DCPS: variants seen among roughly 807,000 people sequenced by gnomAD.
The protein encoded by DCPS is m7GpppX diphosphatase.
In DCPS, 27 loss-of-function variants were observed where a neutral mutation model predicts 34.7. The ratio of observed to expected loss-of-function variants is 0.78; its 90% CI spans 0.57 to 1.07. DCPS has a LOEUF of 1.07. Ranked by LOEUF, DCPS falls within the 50% of genes least tolerant of loss-of-function variation. The pLI is 0.00. For synonymous variants in DCPS, 185 were observed against 185.7 expected (o/e 1.00, Z 0.03); for missense variants, 464 against 436.9 (o/e 1.06, Z -0.55).
At chr11:126,316,646 A>AT (rs35658526) in intron 2 of DCPS, among the ~76,000 whole-genome samples, 99,641 of 146,178 alleles carry the variant, frequency 0.68, 34,175 homozygotes, top group East Asian at 0.95. Flanking sequence ...GCTGAAGTAC[A>AT]TTTTTTTTTT....
intron 2 of DCPS, among the ~76,000 whole-genome samples, chr11:126,317,802 G>C (rs1196992751): frequency 3.3e-5 from 5 of 152,212 alleles, no homozygotes; most frequent in Non-Finnish European, 2.9e-5. Flanking sequence ...GGGGCTCGCG[G>C]CTCTAAGGCC....
rs1415012905 is a variant in DCPS, at chr11:126,332,508, T to G, written c.522+958T>G. Among the ~76,000 whole-genome samples the G allele has an allele frequency of 6.6e-6, 1 of 152,220 alleles. No homozygotes were observed. Among genetic ancestry groups the G allele is most frequent in the Non-Finnish European group, 1.5e-5 (1 of 68,032 alleles). On this transcript the variant is annotated intron_variant, in intron 3 of 5. Transcript: ENST00000263579. The surrounding 1 kb of genome is among the most constrained non-coding windows in gnomAD (Gnocchi z 5.4). ...TTTCTCCCCAAGATTCAGGTCACTG[T>G]GGTGGAGGGTGTTGTGATGTGAGGA...
At chr11:126,306,845 C>G (rs891585581) in intron 2 of DCPS, 101 bp downstream of exon 2, 24 of 1,353,242 alleles carry the variant, frequency 1.8e-5, no homozygotes, top group Non-Finnish European at 2.2e-5. Flanking sequence ...TTTGCATATT[C>G]TAGTACAATA....
intron 4 of DCPS, chr11:126,341,329 G>T (rs1951874496): frequency 6.6e-6 from 1 of 152,244 alleles, no homozygotes; most frequent in African/African-American, 2.4e-5. Context: ...ACCTTCTGGG[G>T]CGCCAGCCTG....
chr11:126,321,080 C>T (rs1266574189), intron 2 of DCPS, among the ~76,000 whole-genome samples: 2 of 151,866 alleles, frequency 1.3e-5, no homozygotes, highest in Non-Finnish European at 2.9e-5. Context: ...CATGGGGAAA[C>T]CCTGTCTCTA....
In DCPS at chr11:126,335,858, GA is replaced by G. The variant is rs911276046; in HGVS notation, c.523-2427del. On this transcript the variant is annotated intron_variant, in intron 3 of 5. Coordinates refer to ENST00000263579, the MANE Select transcript of DCPS (RefSeq NM_014026.6). This position sits in a 1 kb window ranked among gnomAD's most constrained non-coding sequence, Gnocchi z 4.8. ...GAGAATCACTTGAACCTGGGAGGTG[GA>G]GGTTGCAGTGAGCTGAGATCACGCC... Among the ~76,000 whole-genome samples the G allele has an allele frequency of 6.6e-6, 1 of 152,156 alleles. No individual in the cohort carries two copies. Among genetic ancestry groups the G allele is most frequent in the Non-Finnish European group, 1.5e-5 (1 of 68,022 alleles).
At position 126,306,415 on chromosome 11, in the gene DCPS, G is replaced by A. The variant is rs372864829; in HGVS notation, c.202-155G>A. Among the ~76,000 whole-genome samples, 4 of 152,136 alleles carry A rather than the reference G, an allele frequency of 2.6e-5. No homozygotes were observed. In the East Asian group the frequency reaches 7.7e-4, roughly 29 times the overall value. On this transcript the variant is annotated intron_variant, in intron 1 of 5. Coordinates refer to ENST00000263579, the MANE Select transcript of DCPS (RefSeq NM_014026.6). ...TTCTCTGAGAAAAGAAATGTGAAAT[G>A]TGAGTGCCATTGGCTAGACTTCCCC... is the stretch of plus-strand genomic sequence containing the variant.
At position 126,320,832 on chromosome 11, in the gene DCPS, A is replaced by G. The variant is rs917848132; in HGVS notation, c.377-10573A>G. Among the ~76,000 whole-genome samples the G allele has an allele frequency of 2.0e-5, 3 of 152,182 alleles. No homozygotes were observed. Among genetic ancestry groups the G allele is most frequent in the African/African-American group, 7.2e-5 (3 of 41,444 alleles). On this transcript the variant is annotated intron_variant, in intron 2 of 5. Transcript: ENST00000263579. The surrounding 1 kb of genome is among the most constrained non-coding windows in gnomAD (Gnocchi z 4.7). Reference sequence around the variant, plus strand: ...ATTTCCAAACCTAGGATACGTAGGGAGGAGCAGTAACTGGATCTGAGAGAT... The same window carrying G: ...ATTTCCAAACCTAGGATACGTAGGGGGGAGCAGTAACTGGATCTGAGAGAT...
At position 126,331,569 on chromosome 11, in the gene DCPS, C is replaced by G. The variant is rs1951794114; in HGVS notation, c.522+19C>G. The G allele has an allele frequency of 6.2e-7, 1 of 1,612,646 alleles. No homozygotes were observed. The highest frequency in any genetic ancestry group is 1.3e-5 in the African/African-American group (1 of 74,906). ...CATCCAGGTGACTGGCTGCATGTCT[C>G]AGACGCAGAGCACTGCTCCCGTGGC... On this transcript the variant is annotated intron_variant, in intron 3 of 5. Transcript: ENST00000263579. The surrounding 1 kb of genome is among the most constrained non-coding windows in gnomAD (Gnocchi z 7.2).
In DCPS at chr11:126,324,462, GT is replaced by G. The variant is rs947426870; in HGVS notation, c.377-6932del. 1.8e-3 allele frequency among the ~76,000 whole-genome samples: 263 copies of G among 145,300 alleles called. 2 individuals are homozygous for G. The highest frequency in any genetic ancestry group is 2.9e-3 in the Non-Finnish European group (192 of 65,786). On this transcript the variant is annotated intron_variant, in intron 2 of 5. Coordinates refer to ENST00000263579, the MANE Select transcript of DCPS (RefSeq NM_014026.6). ...GACACATTGTTCATGTGCCTGTTGA[GT>G]TTTTTTTTTTAGACAGGGTCTCACT... is the stretch of plus-strand genomic sequence containing the variant.
rs560010620 is a variant in DCPS at position 126,325,057 on chromosome 11, C to A, written c.377-6348C>A. On this transcript the variant is annotated intron_variant, in intron 2 of 5. Transcript: ENST00000263579. The surrounding 1 kb of genome is among the most constrained non-coding windows in gnomAD (Gnocchi z 4.3). ...AATTAGCGGGGCATGGTGGTGGGCA[C>A]CTGTAATCCCAGCTACTCACTCGGG... 2.0e-5 allele frequency among the ~76,000 whole-genome samples: 3 copies of A among 152,128 alleles called. No homozygotes were observed. The South Asian group carries it at 6.2e-4, about 32-fold the overall frequency.
Position 126,346,236 on chromosome 11 carries a change from C to T in DCPS, c.*623C>T, listed in dbSNP as rs879583082. On this transcript the variant is annotated 3_prime_UTR_variant, in exon 6 of 6. Coordinates refer to ENST00000263579, the MANE Select transcript of DCPS (RefSeq NM_014026.6). The surrounding 1 kb of genome is among the most constrained non-coding windows in gnomAD (Gnocchi z 4.1). Reference sequence around the variant, plus strand: ...TAATAAGAATCAGATTATGCAAGGCCGAAAAGCCTGCCTTGCTCTGTTATT... The same window carrying T: ...TAATAAGAATCAGATTATGCAAGGCTGAAAAGCCTGCCTTGCTCTGTTATT... 5.3e-5 allele frequency among the ~76,000 whole-genome samples: 8 copies of T among 152,074 alleles called. No homozygotes were observed. Among genetic ancestry groups the T allele is most frequent in the Admixed American group, 2.6e-4 (4 of 15,260 alleles).
At chr11:126,310,721 G>A (rs1951613140) in intron 2 of DCPS, among the ~76,000 whole-genome samples, 1 of 152,234 alleles carries the variant, frequency 6.6e-6, no homozygotes, top group Admixed American at 6.5e-5. Context: ...TCCCCTCTGT[G>A]GGAAGGCCAG....
rs58091804 is a variant in DCPS at position 126,324,629 on chromosome 11, CTTTTTTTTTTT to C, written c.377-6760_377-6750del. ...CACCATGCCTAGCTAATTTTTCTGC[CTTTTTTTTTTT>C]TTTTTTTTTTTTTTTGGTAAAGACG... On this transcript the variant is annotated intron_variant, in intron 2 of 5. Transcript: ENST00000263579. 1.4e-4 allele frequency among the ~76,000 whole-genome samples: 14 copies of C among 99,936 alleles called. No individual in the cohort carries two copies. In the South Asian group the frequency reaches 1.9e-3, roughly 14 times the overall value. 65.6% of individuals were successfully genotyped at this position (99,936 alleles called of 152,430 possible).
In DCPS at chr11:126,305,343, G is replaced by T. The variant is rs552156105; in HGVS notation, c.201+1062G>T. Among the ~76,000 whole-genome samples the T allele has an allele frequency of 1.8e-3, 266 of 149,904 alleles. 3 individuals are homozygous for T. Among genetic ancestry groups the T allele is most frequent in the African/African-American group, 6.3e-3 (257 of 40,654 alleles). On this transcript the variant is annotated intron_variant, in intron 1 of 5. Coordinates refer to ENST00000263579, the MANE Select transcript of DCPS (RefSeq NM_014026.6). ...TTGGCCAGGCTGGTCTCGAACTCCTGACCTCAGGTGATCCGCCTGCCTCTG... is the reference window on the plus strand; with the variant it reads ...TTGGCCAGGCTGGTCTCGAACTCCTTACCTCAGGTGATCCGCCTGCCTCTG...
At position 126,329,184 on chromosome 11, in the gene DCPS, G is replaced by A. The variant is rs143013205; in HGVS notation, c.377-2221G>A. 7.7e-3 allele frequency among the ~76,000 whole-genome samples: 1,180 copies of A among 152,276 alleles called. 14 individuals are homozygous for A. The highest frequency in any genetic ancestry group is 0.027 in the African/African-American group (1,114 of 41,558). On this transcript the variant is annotated intron_variant, in intron 2 of 5. Transcript: ENST00000263579. This position sits in a 1 kb window ranked among gnomAD's most constrained non-coding sequence, Gnocchi z 5.0. Reference sequence around the variant, plus strand: ...TGACCTCTGGCCCATGACCTATGACGCTGAGCTGTTAGAGAACAGAGTGAG... The same window carrying A: ...TGACCTCTGGCCCATGACCTATGACACTGAGCTGTTAGAGAACAGAGTGAG...
Position 126,327,142 on chromosome 11 carries a change from C to T in DCPS, c.377-4263C>T, listed in dbSNP as rs965781702. On this transcript the variant is annotated intron_variant, in intron 2 of 5. Transcript: ENST00000263579. This position sits in a 1 kb window ranked among gnomAD's most constrained non-coding sequence, Gnocchi z 4.1. Reference sequence around the variant, plus strand: ...TGCTTCAGTGCAGGGCGCCCCTCCCCGGATCCCAACCCCGGATCTAATCCA... The same window carrying T: ...TGCTTCAGTGCAGGGCGCCCCTCCCTGGATCCCAACCCCGGATCTAATCCA... Among the ~76,000 whole-genome samples the T allele has an allele frequency of 1.3e-5, 2 of 152,178 alleles. No individual in the cohort carries two copies. The highest frequency in any genetic ancestry group is 1.9e-4 in the East Asian group (1 of 5,188).
At chr11:126,306,824 T>A (rs935696065) in intron 2 of DCPS, 80 bp downstream of exon 2, 21 of 1,474,634 alleles carry the variant, frequency 1.4e-5, no homozygotes, top group Non-Finnish European at 1.9e-5. Context: ...GACCAGACTC[T>A]CTATACCCGA....
chr11:126,341,600 C>T (rs1439910323), intron 4 of DCPS: 1 of 152,234 alleles, frequency 6.6e-6, no homozygotes, highest in East Asian at 1.9e-4. Flanking sequence ...ATCATCTAAA[C>T]AAATGTTACT....
Sources: allele counts gnomAD v4.1 joint callset (sites outside exome capture counted in the v4.1 genomes callset), GRCh38; gene constraint gnomAD v4.1.1; non-coding constraint Gnocchi (gnomAD v3.1); transcripts MANE v1.5; gene names NCBI Gene and HGNC (gene_info 2026-07-23, HGNC 2026-07-21).